Variants in SOX5 observed in about 807,000 individuals in gnomAD.
SOX5 encodes SRY-box transcription factor 5.
Under a neutral mutation model 92.0 loss-of-function variants are expected in SOX5, and 9 were observed. That is an observed-to-expected ratio of 0.10 (90% CI 0.06 to 0.17). The LOEUF (loss-of-function observed/expected upper bound fraction) is 0.17, where lower values mean the gene tolerates loss of function less well. Ranked by LOEUF, SOX5 falls within the 10% of genes least tolerant of loss-of-function variation. The pLI is 1.00. For synonymous variants in SOX5, 344 were observed against 336.3 expected (o/e 1.02, Z -0.25); for missense variants, 642 against 944.5 (o/e 0.68, Z 4.20).
rs1595425883 is a variant in SOX5 at position 24,307,517 on chromosome 12, G to GGGAAGGAAGGAAGTTAGTTT, written c.-173-30206_-173-30205insAAACTAACTTCCTTCCTTCC. On this transcript the variant is annotated intron_variant, in intron 2 of 4. Transcript: ENST00000446891. ...AGGAAGGAAGGAAGGAAGGAAGGAAGGCCGGCCCCCCCACCCACCCACTCA... is the reference window on the plus strand; with the variant it reads ...AGGAAGGAAGGAAGGAAGGAAGGAAGGGAAGGAAGGAAGTTAGTTTGCCGGCCCCCCCACCCACCCACTCA... Among the ~76,000 whole-genome samples the GGGAAGGAAGGAAGTTAGTTT allele has an allele frequency of 4.7e-4, 13 of 27,510 alleles. 1 individual carries two copies. Among genetic ancestry groups the GGGAAGGAAGGAAGTTAGTTT allele is most frequent in the East Asian group, 2.0e-3 (1 of 488 alleles). 18.0% of individuals were successfully genotyped at this position (27,510 alleles called of 152,430 possible).
chr12:23,788,155 A>G (rs1370020642), intron 3 of SOX5, among the ~76,000 whole-genome samples: 1 of 152,004 alleles, frequency 6.6e-6, no homozygotes, highest in South Asian at 2.1e-4. Context: ...AGTTACAGAA[A>G]GACAAAGTTC....
chr12:23,609,493 C>T (rs1385423985), intron 8 of SOX5, among the ~76,000 whole-genome samples: 1 of 151,998 alleles, frequency 6.6e-6, no homozygotes, highest in Non-Finnish European at 1.5e-5. Context: ...TCATAGCATA[C>T]TGGGCACATA....
intron 11 of SOX5, among the ~76,000 whole-genome samples, chr12:23,551,589 C>G (rs147910004): frequency 6.6e-6 from 1 of 151,844 alleles, no homozygotes; most frequent in Admixed American, 6.6e-5. Flanking sequence ...CTAATTTTAC[C>G]TCCATCAAGT....
rs572019117 is a variant in SOX5 at position 23,827,041 on chromosome 12, T to C, written c.481+18942A>G. On this transcript the variant is annotated intron_variant, in intron 3 of 14. Transcript: ENST00000451604. The stretch of plus-strand genomic sequence containing the variant: ...AGTAATTATACCATGCAATGAGCTC[T>C]ACGTTGATATTATGTTAATGTGTGG... 2.0e-5 allele frequency among the ~76,000 whole-genome samples: 3 copies of C among 152,340 alleles called. No individual in the cohort carries two copies. In the South Asian group the frequency reaches 6.2e-4, roughly 32 times the overall value.
At chr12:24,013,743 A>G (rs752401830) in intron 4 of SOX5, among the ~76,000 whole-genome samples, 44 of 152,234 alleles carry the variant, frequency 2.9e-4, no homozygotes, top group Non-Finnish European at 2.6e-4. Flanking sequence ...TTTGAGATAT[A>G]AAGTAAGGCT....
At chr12:24,286,254 A>G (rs902297213) in intron 2 of SOX5, among the ~76,000 whole-genome samples, 1 of 152,228 alleles carries the variant, frequency 6.6e-6, no homozygotes, top group Non-Finnish European at 1.5e-5. Context: ...ACTAACACCA[A>G]TGGTAAGACA....
chr12:24,035,110 T>C (rs12304084), intron 4 of SOX5, among the ~76,000 whole-genome samples: 7,682 of 152,196 alleles, frequency 0.05, 261 homozygotes, highest in Middle Eastern at 0.092. Flanking sequence ...TAGTGCTCAA[T>C]AGACAATATA....
intron 1 of SOX5, among the ~76,000 whole-genome samples, chr12:24,486,757 T>C (rs1468617088): frequency 3.9e-5 from 6 of 152,244 alleles, no homozygotes; most frequent in Non-Finnish European, 8.8e-5. Context: ...CATTCTAGTT[T>C]CAGGCACAGC....
intron 1 of SOX5, among the ~76,000 whole-genome samples, chr12:24,370,298 C>T (rs973940219): frequency 1.3e-5 from 2 of 151,676 alleles, no homozygotes; most frequent in African/African-American, 2.4e-5. Flanking sequence ...CACAGTGAAA[C>T]CCCGTCTCTA....
chr12:23,826,344 T>C (rs1415835316), intron 3 of SOX5, among the ~76,000 whole-genome samples: 1 of 152,148 alleles, frequency 6.6e-6, no homozygotes, highest in African/African-American at 2.4e-5. Context: ...TCATTTCTAA[T>C]GATTCCCATG....
rs528270856 is a variant in SOX5 at position 24,256,939 on chromosome 12, C to G, written c.-77+20277G>C. 2.0e-5 allele frequency among the ~76,000 whole-genome samples: 3 copies of G among 152,342 alleles called. No homozygotes were observed. The South Asian group carries it at 6.2e-4, about 32-fold the overall frequency. ...TGAGTAATTAGACAGAACAGCCTCA[C>G]TGAGCTCATTGTTTAGAGCCCCTTG... On this transcript the variant is annotated intron_variant, in intron 3 of 4. Transcript: ENST00000446891.
intron 4 of SOX5, among the ~76,000 whole-genome samples, chr12:24,030,562 T>C (rs1343956160): frequency 3.3e-5 from 5 of 151,828 alleles, no homozygotes; most frequent in African/African-American, 1.2e-4. Context: ...AATAAAGACT[T>C]AAATGTAAGA....
At chr12:24,388,063 A>T (rs888037109) in intron 1 of SOX5, among the ~76,000 whole-genome samples, 1 of 152,208 alleles carries the variant, frequency 6.6e-6, no homozygotes, top group African/African-American at 2.4e-5. Context: ...AGAGTTTGCA[A>T]GGGAACTTCA....
chr12:24,215,027 GA>G, intron 3 of SOX5, among the ~76,000 whole-genome samples: 1 of 152,146 alleles, frequency 6.6e-6, no homozygotes, highest in East Asian at 1.9e-4. Flanking sequence ...TATAGATGCT[GA>G]AAAGCATCTG....
chr12:23,688,017 G>A (rs1341588489), intron 6 of SOX5, among the ~76,000 whole-genome samples: 1 of 151,868 alleles, frequency 6.6e-6, no homozygotes, highest in Non-Finnish European at 1.5e-5. Flanking sequence ...ATTAAATCCT[G>A]ATAATCCTTT....
At chr12:24,076,699 C>CTTTTTTTTTTTT (rs11302877) in intron 4 of SOX5, among the ~76,000 whole-genome samples, 2 of 102,882 alleles carry the variant, frequency 1.9e-5, no homozygotes, top group Non-Finnish European at 1.9e-5. Flanking sequence ...CCAAAGCTGC[C>CTTTTTTTTTTTT]TTTTTTTTTT....
chr12:23,798,862 G>C (rs2095611676), intron 3 of SOX5, among the ~76,000 whole-genome samples: 2 of 151,930 alleles, frequency 1.3e-5, no homozygotes. Context: ...AAGAAAATTT[G>C]ATCTGTAAAA....
chr12:24,175,000 G>A (rs1954647370), intron 4 of SOX5, among the ~76,000 whole-genome samples: 1 of 152,178 alleles, frequency 6.6e-6, no homozygotes, highest in African/African-American at 2.4e-5. Flanking sequence ...TAAAAGCTAT[G>A]TTTTGATTAT....
Position 24,533,888 on chromosome 12 carries a change from C to A in SOX5, c.-251+28441G>T, listed in dbSNP as rs117651666. ...GTTCTGACTAAGCAGACACAGGAGA[C>A]AGTCGTTAGTGTGCACGCTGTGAAT... On this transcript the variant is annotated intron_variant, in intron 1 of 4. Transcript: ENST00000446891. Among the ~76,000 whole-genome samples the A allele has an allele frequency of 2.3e-4, 35 of 152,276 alleles. 1 individual carries two copies. The East Asian group carries it at 6.2e-3, about 27-fold the overall frequency.
Sources: gnomAD v4.1 joint callset for allele counts (sites outside exome capture counted in the v4.1 genomes callset) on GRCh38, gnomAD v4.1.1 for gene constraint, MANE v1.5 for transcripts, NCBI Gene and HGNC (gene_info 2026-07-23, HGNC 2026-07-21) for gene names.